Variants in PPARA observed in about 807,000 individuals in gnomAD.
PPARA encodes the protein peroxisome proliferator activated receptor alpha.
Under a neutral mutation model 42.2 loss-of-function variants are expected in PPARA, and 22 were observed. The observed-to-expected ratio is 0.52, with a 90% CI of 0.37 to 0.74. The LOEUF (loss-of-function observed/expected upper bound fraction) is 0.74, where lower values mean the gene tolerates loss of function less well. PPARA is among the 30% of genes least tolerant of loss of function. The pLI, the probability that PPARA is intolerant of heterozygous loss-of-function variation, is 0.00. For synonymous variants in PPARA, 242 were observed against 239.3 expected, an observed-to-expected ratio of 1.01 and a Z score of -0.10; for missense variants, 465 against 608.2, an observed-to-expected ratio of 0.76 and a Z score of 2.48.
intron 5 of PPARA, among the ~76,000 whole-genome samples, chr22:46,215,717 G>C (rs375142794): frequency 6.6e-6 from 1 of 151,552 alleles, no homozygotes; most frequent in Non-Finnish European, 1.5e-5. Context: ...ACTCCAGCCT[G>C]GGCAACAAGA....
Position 46,200,923 on chromosome 22 carries a change from C to CA in PPARA, c.208+2340dup, listed in dbSNP as rs373517496. On this transcript the variant is annotated intron_variant, in intron 4 of 8. Transcript: ENST00000407236. This position sits in a 1 kb window ranked among gnomAD's most constrained non-coding sequence, Gnocchi z 4.8. Reference sequence around the variant, plus strand: ...TGGGCGACAGGGTGAGACTCCATCTCAAAAAAAAGTTGGGGCGTGGTGGCT... The same window carrying CA: ...TGGGCGACAGGGTGAGACTCCATCTCAAAAAAAAAGTTGGGGCGTGGTGGCT... Among the ~76,000 whole-genome samples the CA allele has an allele frequency of 1.4e-5, 2 of 144,916 alleles. No homozygotes were observed. The highest frequency in any genetic ancestry group is 2.1e-4 in the East Asian group (1 of 4,806).
In PPARA at chr22:46,192,435, G is replaced by A. The variant is rs1931690258; in HGVS notation, c.-42-5907G>A. Among the ~76,000 whole-genome samples, 1 of 152,212 alleles carries A rather than the reference G, an allele frequency of 6.6e-6. No homozygotes were observed. The highest frequency in any genetic ancestry group is 2.1e-4 in the South Asian group (1 of 4,836). On this transcript the variant is annotated intron_variant, in intron 3 of 8. Coordinates refer to ENST00000407236, the MANE Select transcript of PPARA (RefSeq NM_005036.6). The surrounding 1 kb of genome is among the most constrained non-coding windows in gnomAD (Gnocchi z 4.3). The stretch of plus-strand genomic sequence containing the variant: ...TCCTTCCAGTGTTTGCACCTGCCCT[G>A]TGCTCGGGTAACATAAAACAGTGAT...
At position 46,243,689 on chromosome 22, in the gene PPARA, A is replaced by C; in HGVS notation, c.*8309A>C. The C allele has an allele frequency of 6.6e-6, 1 of 152,546 alleles. No individual in the cohort carries two copies. The highest frequency in any genetic ancestry group is 1.5e-5 in the Non-Finnish European group (1 of 68,046). The allele number at this position is 152,546 out of a possible 1,614,324, so 9.4% of individuals were successfully genotyped here. A position where few individuals can be genotyped will look rare whatever the true frequency, so the allele number is the denominator to read the frequency against. On this transcript the variant is annotated 3_prime_UTR_variant, in exon 9 of 9. Coordinates refer to ENST00000407236, the MANE Select transcript of PPARA (RefSeq NM_005036.6). The surrounding 1 kb of genome is among the most constrained non-coding windows in gnomAD (Gnocchi z 5.0). ...GTCCTACTGTAAGACTGATGAATGT[A>C]CAGAGTTAATTTCAGGGTACAGTTT...
intron 2 of PPARA, among the ~76,000 whole-genome samples, chr22:46,153,433 G>A (rs1262304748): frequency 1.3e-5 from 2 of 151,916 alleles, no homozygotes; most frequent in Non-Finnish European, 2.9e-5. Flanking sequence ...CCTCCCAAAG[G>A]GCTGAGGTTA....
At chr22:46,178,161 T>G (rs1601659593) in intron 3 of PPARA, among the ~76,000 whole-genome samples, 1 of 152,326 alleles carries the variant, frequency 6.6e-6, no homozygotes, top group East Asian at 1.9e-4. Context: ...TTTATCTACT[T>G]TGAAATTTAA....
At position 46,235,943 on chromosome 22, in the gene PPARA, T is replaced by G. The variant is rs188241700; in HGVS notation, c.*563T>G. ...AACATGCTGCTTTTTAATCATAGGA[T>G]GGAGAATTTTAAAGAACTGTTTGGG... On this transcript the variant is annotated 3_prime_UTR_variant, in exon 9 of 9. Transcript: ENST00000407236. This position sits in a 1 kb window ranked among gnomAD's most constrained non-coding sequence, Gnocchi z 7.0. The G allele has an allele frequency of 2.0e-3, 327 of 164,838 alleles. 3 individuals carry two copies. The highest frequency in any genetic ancestry group is 7.6e-3 in the African/African-American group (316 of 41,674). 10.2% of individuals were successfully genotyped at this position (164,838 alleles called of 1,614,324 possible).
chr22:46,232,620 T>C lies in PPARA; in HGVS notation c.1159+381T>C, dbSNP rs1211412779. On this transcript the variant is annotated intron_variant, in intron 8 of 8. Coordinates refer to ENST00000407236, the MANE Select transcript of PPARA (RefSeq NM_005036.6). This position sits in a 1 kb window ranked among gnomAD's most constrained non-coding sequence, Gnocchi z 5.3. ...ATGAGTTATGAATGCACCACTGCAC[T>C]CTAGCCTGGGCAACAGAACAAGACC... Among the ~76,000 whole-genome samples the C allele has an allele frequency of 6.6e-6, 1 of 151,612 alleles. No homozygotes were observed. Among genetic ancestry groups the C allele is most frequent in the Non-Finnish European group, 1.5e-5 (1 of 67,942 alleles).
chr22:46,166,010 A>G (rs1168320671), intron 2 of PPARA, among the ~76,000 whole-genome samples: 1 of 152,044 alleles, frequency 6.6e-6, no homozygotes, highest in African/African-American at 2.4e-5. Context: ...TTTAAAAATA[A>G]AATATTAATT....
intron 7 of PPARA, among the ~76,000 whole-genome samples, chr22:46,223,806 C>T (rs577230459): frequency 3.1e-4 from 46 of 150,404 alleles, no homozygotes; most frequent in African/African-American, 9.0e-4. Flanking sequence ...AAAAATTAGC[C>T]GGGCATGGCA....
Position 46,241,781 on chromosome 22 carries a change from C to T in PPARA, c.*6401C>T, listed in dbSNP as rs1343276987. On this transcript the variant is annotated 3_prime_UTR_variant, in exon 9 of 9. Transcript: ENST00000407236. The surrounding 1 kb of genome is among the most constrained non-coding windows in gnomAD (Gnocchi z 5.7). ...CAGCTGAAACACATACAACTGCATC[C>T]TTTTGGAGTCCTTTGCCAACAAAAA... The T allele has an allele frequency of 6.6e-6, 1 of 152,044 alleles. No homozygotes were observed. The highest frequency in any genetic ancestry group is 2.4e-5 in the African/African-American group (1 of 41,372). 9.4% of individuals were successfully genotyped at this position (152,044 alleles called of 1,614,324 possible). A position where few individuals can be genotyped will look rare whatever the true frequency, so the allele number is the denominator to read the frequency against.
In PPARA at chr22:46,235,381, G is replaced by A; in HGVS notation, c.*1G>A. ...GGAGATCTACAGGGACATGTACTGAGTTCCTTCAGATCAGCCACACCTTTT... is the reference window on the plus strand; with the variant it reads ...GGAGATCTACAGGGACATGTACTGAATTCCTTCAGATCAGCCACACCTTTT... On this transcript the variant is annotated 3_prime_UTR_variant, in exon 9 of 9. Coordinates refer to ENST00000407236, the MANE Select transcript of PPARA (RefSeq NM_005036.6). The surrounding 1 kb of genome is among the most constrained non-coding windows in gnomAD (Gnocchi z 7.0). The A allele has an allele frequency of 6.2e-7, 1 of 1,613,522 alleles. No individual in the cohort carries two copies. Among genetic ancestry groups the A allele is most frequent in the Non-Finnish European group, 8.5e-7 (1 of 1,179,862 alleles).
In PPARA at chr22:46,206,960, C is replaced by T. The variant is rs567862177; in HGVS notation, c.209-8213C>T. Among the ~76,000 whole-genome samples, 25 of 152,238 alleles carry T rather than the reference C, an allele frequency of 1.6e-4. No homozygotes were observed. The South Asian group carries it at 5.0e-3, about 30-fold the overall frequency. On this transcript the variant is annotated intron_variant, in intron 4 of 8. Coordinates refer to ENST00000407236, the MANE Select transcript of PPARA (RefSeq NM_005036.6). ...TCAAAGGGCCGGGCACAGTGGTTCA[C>T]GCCTGTAATCCGAGCACTTTGGGAG...
chr22:46,185,254 G>T (rs1930500170), intron 3 of PPARA, among the ~76,000 whole-genome samples: 1 of 151,982 alleles, frequency 6.6e-6, no homozygotes, highest in Admixed American at 6.6e-5. Flanking sequence ...CTTCTATTAG[G>T]TTTGCAATTG....
rs543409130 is a variant in PPARA, at chr22:46,239,267, G to A, written c.*3887G>A. 6 of 152,162 alleles carry A rather than the reference G, an allele frequency of 3.9e-5. No homozygotes were observed. Among genetic ancestry groups the A allele is most frequent in the East Asian group, 1.9e-4 (1 of 5,158 alleles). 9.4% of individuals were successfully genotyped at this position (152,162 alleles called of 1,614,324 possible). A position where few individuals can be genotyped will look rare whatever the true frequency, so the allele number is the denominator to read the frequency against. On this transcript the variant is annotated 3_prime_UTR_variant, in exon 9 of 9. Coordinates refer to ENST00000407236, the MANE Select transcript of PPARA (RefSeq NM_005036.6). Reference sequence around the variant, plus strand: ...AGGGACAGGGCAGCCTCCCAGAGCCGAGCAAGAGCTCAAGGTACAAATGAG... The same window carrying A: ...AGGGACAGGGCAGCCTCCCAGAGCCAAGCAAGAGCTCAAGGTACAAATGAG...
chr22:46,163,101 G>A lies in PPARA; in HGVS notation c.-127+11131G>A, dbSNP rs1601608684. On this transcript the variant is annotated intron_variant, in intron 2 of 8. Transcript: ENST00000407236. This position sits in a 1 kb window ranked among gnomAD's most constrained non-coding sequence, Gnocchi z 4.9. ...CAGCCTGCAGAGGGGAAAGAGCGGGGACAGAGGGTCACGGAGGTCGCAGGG... is the reference window on the plus strand; with the variant it reads ...CAGCCTGCAGAGGGGAAAGAGCGGGAACAGAGGGTCACGGAGGTCGCAGGG... 6.6e-6 allele frequency among the ~76,000 whole-genome samples: 1 copy of A among 152,304 alleles called. No individual in the cohort carries two copies. The highest frequency in any genetic ancestry group is 2.4e-5 in the African/African-American group (1 of 41,580).
In PPARA at chr22:46,235,130, T is replaced by C. The variant is rs191032198; in HGVS notation, c.1160-3T>C. The C allele has an allele frequency of 5.9e-5, 95 of 1,614,020 alleles. 1 individual carries two copies. In the East Asian group the frequency reaches 1.6e-3, roughly 27 times the overall value. On this transcript the variant is annotated splice_region_variant and splice_polypyrimidine_tract_variant and intron_variant, in intron 8 of 8. Coordinates refer to ENST00000407236, the MANE Select transcript of PPARA (RefSeq NM_005036.6). The surrounding 1 kb of genome is among the most constrained non-coding windows in gnomAD (Gnocchi z 7.0). ...AAACCTCTCTCTCTTCTTTCGAGAC[T>C]AGATCGTCCTGGCCTTCTAAACGTA...
At position 46,232,898 on chromosome 22, in the gene PPARA, C is replaced by T. The variant is rs1448684664; in HGVS notation, c.1159+659C>T. Among the ~76,000 whole-genome samples the T allele has an allele frequency of 1.3e-5, 2 of 148,948 alleles. No homozygotes were observed. The highest frequency in any genetic ancestry group is 3.0e-5 in the Non-Finnish European group (2 of 67,568). On this transcript the variant is annotated intron_variant, in intron 8 of 8. Transcript: ENST00000407236. The surrounding 1 kb of genome is among the most constrained non-coding windows in gnomAD (Gnocchi z 5.3). ...TTGAGAGGCTGAGGTGGGAGGATCA[C>T]TTAAGCCCAGGAGACAAAGGTTGCA...
chr22:46,177,405 A>C (rs1386124323), intron 3 of PPARA, among the ~76,000 whole-genome samples: 1 of 150,378 alleles, frequency 6.6e-6, no homozygotes, highest in East Asian at 2.0e-4. Flanking sequence ...CAGAGGTTGC[A>C]GTGAGCTGAG....
chr22:46,194,895 T>C (rs1335743606), intron 3 of PPARA, among the ~76,000 whole-genome samples: 5 of 109,696 alleles, frequency 4.6e-5, no homozygotes, highest in African/African-American at 2.9e-4. Flanking sequence ...TTTTCTTTCT[T>C]TTTTTTTTTT....
Sources: allele counts gnomAD v4.1 joint callset (sites outside exome capture counted in the v4.1 genomes callset), GRCh38; gene constraint gnomAD v4.1.1; non-coding constraint Gnocchi (gnomAD v3.1); transcripts MANE v1.5; gene names NCBI Gene and HGNC (gene_info 2026-07-23, HGNC 2026-07-21).